TLK1: variants seen among roughly 807,000 people sequenced by gnomAD.
TLK1 encodes serine/threonine-protein kinase tousled-like 1.
Under a neutral mutation model 105.3 loss-of-function variants are expected in TLK1, and 24 were observed. That is an observed-to-expected ratio of 0.23 (90% CI 0.17 to 0.32). The LOEUF is 0.32. TLK1 is among the 10% of genes least tolerant of loss of function. The pLI, the probability that TLK1 is intolerant of heterozygous loss-of-function variation, is 1.00. For synonymous variants in TLK1, 321 were observed against 310.4 expected (o/e 1.03, Z -0.36); for missense variants, 558 against 910.5 (o/e 0.61, Z 4.98).
upstream of TLK1, among the ~76,000 whole-genome samples, chr2:171,165,168 C>T (rs550461774): frequency 6.6e-6 from 1 of 152,300 alleles, no homozygotes; most frequent in South Asian, 2.1e-4. Context: ...AGCTTGAGAA[C>T]ACAGAAATGA....
At chr2:171,036,395 C>G (rs768743869) in intron 11 of TLK1, among the ~76,000 whole-genome samples, 3 of 151,804 alleles carry the variant, frequency 2.0e-5, no homozygotes, top group African/African-American at 2.4e-5. Context: ...TCTCCCCCCC[C>G]AAAAAAAGCA....
At chr2:171,154,352 T>A (rs895815974) in intron 1 of TLK1, 16 of 152,152 alleles carry the variant, frequency 1.1e-4, no homozygotes, top group African/African-American at 3.9e-4. Flanking sequence ...GGAAGAGACC[T>A]TTGAGAGCCT....
rs550896201 is a variant in TLK1 at position 171,048,273 on chromosome 2, G to T, written c.980+1541C>A. Among the ~76,000 whole-genome samples, 54 of 152,332 alleles carry T rather than the reference G, an allele frequency of 3.5e-4. 1 individual carries two copies. The highest frequency in any genetic ancestry group is 6.8e-3 in the Middle Eastern group (2 of 294). Reference sequence around the variant, plus strand: ...GCCTCTTTTCTGACAGTTAAGAGGAGAAATTGGAACTACTAGTAGAATTTA... The same window carrying T: ...GCCTCTTTTCTGACAGTTAAGAGGATAAATTGGAACTACTAGTAGAATTTA... On this transcript the variant is annotated intron_variant, in intron 10 of 20. Transcript: ENST00000431350.
intron 1 of TLK1, among the ~76,000 whole-genome samples, chr2:171,144,069 G>A (rs1323405788): frequency 6.6e-6 from 1 of 151,860 alleles, no homozygotes; most frequent in African/African-American, 2.4e-5. Context: ...TTAAAAACTG[G>A]TGTTTTGAGA....
At chr2:171,131,114 TAGAG>T (rs568652382) in intron 1 of TLK1, among the ~76,000 whole-genome samples, 155 of 151,662 alleles carry the variant, frequency 1.0e-3, no homozygotes, top group African/African-American at 3.2e-3. Context: ...TATCTATATA[TAGAG>T]AGAGATACAG....
chr2:171,210,523 G>A (rs1001862101), intron 1 of TLK1, among the ~76,000 whole-genome samples: 4 of 152,066 alleles, frequency 2.6e-5, no homozygotes, highest in East Asian at 1.9e-4. Flanking sequence ...GATTTCAGAC[G>A]TAATCAGAAA....
At chr2:171,151,700 C>T (rs1156772202) in intron 1 of TLK1, among the ~76,000 whole-genome samples, 1 of 151,912 alleles carries the variant, frequency 6.6e-6, no homozygotes, top group African/African-American at 2.4e-5. Context: ...TGGTCTCGAT[C>T]TCCTGACCTC....
At chr2:171,097,978 G>C (rs561178538) in intron 2 of TLK1, among the ~76,000 whole-genome samples, 1 of 151,990 alleles carries the variant, frequency 6.6e-6, no homozygotes, top group East Asian at 1.9e-4. Context: ...GAGAGGGAGA[G>C]AGAAAGAGAG....
At chr2:170,996,942 C>T (rs746262743) in intron 19 of TLK1, among the ~76,000 whole-genome samples, 182 bp from the exon 20 acceptor site, 1 of 152,064 alleles carries the variant, frequency 6.6e-6, no homozygotes, top group Non-Finnish European at 1.5e-5. Context: ...GATAGCAGGC[C>T]AAGAAAGCCT....
chr2:171,205,963 T>A (rs528787399), intron 1 of TLK1, among the ~76,000 whole-genome samples: 103 of 152,296 alleles, frequency 6.8e-4, no homozygotes, highest in African/African-American at 1.8e-3. Flanking sequence ...ATATCTCCCA[T>A]ATTTTTTTCC....
In TLK1 at chr2:171,153,044, A is replaced by G. The variant is rs188841305; in HGVS notation, c.139+7246T>C. On this transcript the variant is annotated intron_variant, in intron 1 of 20. Transcript: ENST00000431350. ...AAACTCATGCAAAAAAAAGTTAACA[A>G]AAGTTTAGAAGTAAAATGAATAAGC... 1.4e-3 allele frequency among the ~76,000 whole-genome samples: 217 copies of G among 152,214 alleles called. 1 individual carries two copies. The highest frequency in any genetic ancestry group is 1.8e-4 in the Non-Finnish European group (12 of 68,022).
chr2:171,167,931 G>A (rs374581362), intron 1 of TLK1, among the ~76,000 whole-genome samples: 4 of 151,664 alleles, frequency 2.6e-5, no homozygotes, highest in Admixed American at 2.0e-4. Flanking sequence ...TAACAAAGCA[G>A]GCAACTTTGA....
At chr2:171,131,938 A>G (rs1272004586) in intron 1 of TLK1, among the ~76,000 whole-genome samples, 1 of 152,168 alleles carries the variant, frequency 6.6e-6, no homozygotes, top group Non-Finnish European at 1.5e-5. Flanking sequence ...CAAAATCCTG[A>G]AAGTTCATCA....
intron 14 of TLK1, among the ~76,000 whole-genome samples, chr2:171,007,973 GAGACATTT>G (rs1684723901): frequency 6.6e-6 from 1 of 152,024 alleles, no homozygotes. Context: ...TACCATTAAA[GAGACATTT>G]AATAATTTTG....
chr2:171,021,477 G>A, intron 12 of TLK1, among the ~76,000 whole-genome samples: 1 of 136,688 alleles, frequency 7.3e-6, no homozygotes, highest in African/African-American at 2.8e-5. Flanking sequence ...TTTTGGTAGA[G>A]ACAAGATTTC....
At chr2:171,134,603 T>C (rs1691230074) in intron 1 of TLK1, among the ~76,000 whole-genome samples, 1 of 150,350 alleles carries the variant, frequency 6.7e-6, no homozygotes, top group African/African-American at 2.5e-5. Flanking sequence ...ATATCTGCAC[T>C]CCCATGTTCA....
At chr2:171,023,438 C>CACA (rs761331724) in intron 12 of TLK1, among the ~76,000 whole-genome samples, 2 of 151,324 alleles carry the variant, frequency 1.3e-5, no homozygotes, top group Non-Finnish European at 2.9e-5. Flanking sequence ...CACACACACA[C>CACA]CAAAACACAC....
chr2:170,993,981 G>T, intron 20 of TLK1, 25 bp from the exon 21 acceptor site: 1 of 1,557,290 alleles, frequency 6.4e-7, no homozygotes, highest in African/African-American at 1.4e-5. Flanking sequence ...GGAAATGTTA[G>T]CAATTAATGA....
At chr2:171,084,877 C>G (rs896509788) in intron 2 of TLK1, among the ~76,000 whole-genome samples, 12 of 152,068 alleles carry the variant, frequency 7.9e-5, no homozygotes, top group Non-Finnish European at 1.3e-4. Flanking sequence ...AAAAGTATAT[C>G]TGAATGAACC....
Sources: gnomAD v4.1 joint callset for allele counts (sites outside exome capture counted in the v4.1 genomes callset) on GRCh38, gnomAD v4.1.1 for gene constraint, MANE v1.5 for transcripts, NCBI Gene and HGNC (gene_info 2026-07-23, HGNC 2026-07-21) for gene names.